Variants in ATF6 observed in about 807,000 individuals in gnomAD.
The protein encoded by ATF6 is activating transcription factor 6.
In ATF6, 53 loss-of-function variants were observed where a neutral mutation model predicts 83.6. The observed-to-expected ratio is 0.63, with a 90% CI of 0.51 to 0.80. The LOEUF is 0.80. Among genes scored for constraint, ATF6 ranks in the 30% least tolerant of loss-of-function variants. The pLI, the probability that ATF6 is intolerant of heterozygous loss-of-function variation, is 0.00. For synonymous variants in ATF6, 288 were observed against 285.8 expected, an observed-to-expected ratio of 1.01 and a Z score of -0.08; for missense variants, 744 against 797.9, an observed-to-expected ratio of 0.93 and a Z score of 0.81.
intron 6 of ATF6, among the ~76,000 whole-genome samples, chr1:161,797,193 G>A (rs536781819): frequency 1.3e-5 from 2 of 152,210 alleles, no homozygotes; most frequent in African/African-American, 4.8e-5. Flanking sequence ...ACCATCTATA[G>A]CAAGTCCACA....
At chr1:161,832,617 C>A (rs550646614) in intron 9 of ATF6, among the ~76,000 whole-genome samples, 9 of 152,382 alleles carry the variant, frequency 5.9e-5, no homozygotes, top group East Asian at 5.8e-4. Context: ...TATCCAGCAC[C>A]TGACTTGGAG....
At chr1:161,782,863 C>CACGAATTTTGACTGGGTGCTT (rs1204257485) in intron 3 of ATF6, among the ~76,000 whole-genome samples, 4 of 152,158 alleles carry the variant, frequency 2.6e-5, no homozygotes, top group African/African-American at 9.7e-5. Context: ...ATCTATGGGT[C>CACGAATTTTGACTGGGTGCTT]ACGAATTTTG....
intron 14 of ATF6, among the ~76,000 whole-genome samples, chr1:161,897,775 A>G (rs757823565): frequency 1.3e-4 from 20 of 152,216 alleles, no homozygotes; most frequent in Non-Finnish European, 2.8e-4. Context: ...AATAACGCTT[A>G]TGTTGCTTAC....
chr1:161,893,705 GTT>G (rs1301046857), intron 14 of ATF6, among the ~76,000 whole-genome samples: 2 of 152,192 alleles, frequency 1.3e-5, no homozygotes, highest in Admixed American at 1.3e-4. Flanking sequence ...CCCTAAATCA[GTT>G]CATACCATTT....
intron 9 of ATF6, among the ~76,000 whole-genome samples, chr1:161,830,585 G>T (rs1311334372): frequency 1.3e-5 from 2 of 152,138 alleles, no homozygotes; most frequent in East Asian, 3.8e-4. Context: ...GCATGGTACT[G>T]GTACCAAAAC....
intron 7 of ATF6, among the ~76,000 whole-genome samples, chr1:161,817,099 T>G (rs1265144925): frequency 1.3e-5 from 2 of 152,232 alleles, no homozygotes; most frequent in Non-Finnish European, 2.9e-5. Flanking sequence ...TGGTTTTCAT[T>G]TTTTTAGTAT....
At chr1:161,921,137 A>C (rs1688205895) in intron 15 of ATF6, among the ~76,000 whole-genome samples, 2 of 152,202 alleles carry the variant, frequency 1.3e-5, no homozygotes, top group South Asian at 4.1e-4. Flanking sequence ...AGAGCAGCTA[A>C]GGCCAAGCAG....
intron 15 of ATF6, among the ~76,000 whole-genome samples, chr1:161,948,176 T>A (rs1448261778): frequency 6.6e-6 from 1 of 152,134 alleles, no homozygotes; most frequent in Non-Finnish European, 1.5e-5. Context: ...GGCAGAGCAG[T>A]GCCTTAATTG....
chr1:161,803,993 T>G (rs1294685216), intron 7 of ATF6, among the ~76,000 whole-genome samples: 2 of 59,308 alleles, frequency 3.4e-5, no homozygotes, highest in Admixed American at 2.6e-4. Context: ...CCCTCCCCCC[T>G]CCCCCCACCC....
chr1:161,847,098 T>G (rs1324697782), intron 10 of ATF6, among the ~76,000 whole-genome samples: 1 of 152,160 alleles, frequency 6.6e-6, no homozygotes, highest in East Asian at 1.9e-4. Flanking sequence ...CAAAAGGCTT[T>G]AATTGTATAA....
chr1:161,916,244 C>T (rs1377436950), intron 15 of ATF6, among the ~76,000 whole-genome samples: 1 of 152,200 alleles, frequency 6.6e-6, no homozygotes, highest in Non-Finnish European at 1.5e-5. Flanking sequence ...TAACTATTCC[C>T]TCTTTTTTTT....
chr1:161,958,770 T>A lies in ATF6; in HGVS notation c.*116T>A. 1.2e-6 allele frequency: 1 copy of A among 869,036 alleles called. No individual in the cohort carries two copies. The highest frequency in any genetic ancestry group is 1.7e-6 in the Non-Finnish European group (1 of 584,440). The allele number at this position is 869,036 out of a possible 1,614,324, so 53.8% of individuals were successfully genotyped here. On this transcript the variant is annotated 3_prime_UTR_variant, in exon 16 of 16. Coordinates refer to ENST00000367942, the MANE Select transcript of ATF6 (RefSeq NM_007348.4). ...GCAGAGAACTGTCTCGTACTAGAAT[T>A]CAAGGAGGAAAGAAGAAGAAATAAA...
chr1:161,903,446 C>G (rs1477096644), intron 14 of ATF6, among the ~76,000 whole-genome samples: 1 of 152,096 alleles, frequency 6.6e-6, no homozygotes, highest in African/African-American at 2.4e-5. Context: ...TCATGTGTGC[C>G]TGTCATCCTT....
intron 14 of ATF6, among the ~76,000 whole-genome samples, chr1:161,903,229 T>C (rs1687823931): frequency 6.6e-6 from 1 of 152,180 alleles, no homozygotes; most frequent in Non-Finnish European, 1.5e-5. Flanking sequence ...TTCAATTATT[T>C]TTCTCCTGTC....
rs535962136 is a variant in ATF6, at chr1:161,948,743, C to T, written c.1805-9703C>T. Among the ~76,000 whole-genome samples the T allele has an allele frequency of 3.9e-5, 6 of 152,312 alleles. No individual in the cohort carries two copies. In the East Asian group the frequency reaches 7.7e-4, roughly 20 times the overall value. On this transcript the variant is annotated intron_variant, in intron 15 of 15. Coordinates refer to ENST00000367942, the MANE Select transcript of ATF6 (RefSeq NM_007348.4). ...AGGGCTGCATGTTGCAGAACTTAAA[C>T]GGAGCAATAAAACTATTTATAAATC... is the stretch of plus-strand genomic sequence containing the variant.
rs1048016286 is a variant in ATF6, at chr1:161,791,330, A to G, written c.355-78A>G. 18 of 1,283,984 alleles carry G rather than the reference A, an allele frequency of 1.4e-5. No homozygotes were observed. In the Admixed American group the frequency reaches 2.4e-4, roughly 17 times the overall value. The allele number at this position is 1,283,984 out of a possible 1,614,324, so 79.5% of individuals were successfully genotyped here. ...TACCCTGAAGTGTTTTTCTGTTTAT[A>G]TGTGGGTCTCCTCCTTTTCTATGCA... On this transcript the variant is annotated intron_variant, in intron 4 of 15. Transcript: ENST00000367942.
In ATF6 at chr1:161,876,386, G is replaced by A. The variant is rs192317629; in HGVS notation, c.1719+13074G>A. Among the ~76,000 whole-genome samples the A allele has an allele frequency of 2.5e-3, 374 of 152,036 alleles. 1 individual carries two copies. The highest frequency in any genetic ancestry group is 7.3e-3 in the African/African-American group (301 of 41,512). ...TTTTCAGCAGGCATTGAGCAAGGTC[G>A]ATTATCCACAATTTTATTAGTCTCT... On this transcript the variant is annotated intron_variant, in intron 14 of 15. Transcript: ENST00000367942.
chr1:161,816,833 A>G (rs543231889), intron 7 of ATF6, among the ~76,000 whole-genome samples: 1 of 152,214 alleles, frequency 6.6e-6, no homozygotes, highest in East Asian at 1.9e-4. Context: ...AAACACCACA[A>G]TGTGTGTATG....
At chr1:161,894,957 G>A (rs576233792) in intron 14 of ATF6, among the ~76,000 whole-genome samples, 1 of 152,102 alleles carries the variant, frequency 6.6e-6, no homozygotes, top group East Asian at 1.9e-4. Flanking sequence ...TTTAATTTCA[G>A]GCCAGATGCA....
Sources: allele counts gnomAD v4.1 joint callset (sites outside exome capture counted in the v4.1 genomes callset), GRCh38; gene constraint gnomAD v4.1.1; transcripts MANE v1.5; gene names NCBI Gene and HGNC (gene_info 2026-07-23, HGNC 2026-07-21).